The following PCDHGA6 variants were observed in gnomAD, a reference collection of about 807,000 sequenced individuals.
PCDHGA6 encodes protocadherin gamma subfamily A, 6.
A neutral mutation model predicts 60.6 loss-of-function variants in PCDHGA6; 41 were observed. The ratio of observed to expected loss-of-function variants is 0.68; its 90% CI spans 0.53 to 0.88. The LOEUF is 0.88. Ranked by LOEUF, PCDHGA6 falls within the 40% of genes least tolerant of loss-of-function variation. The pLI is 0.00. For synonymous variants in PCDHGA6, 594 were observed against 524.4 expected (o/e 1.13, Z -1.81); for missense variants, 1,312 against 1,203.0 (o/e 1.09, Z -1.34).
intron 1 of PCDHGA6, chr5:141,393,313 T>G: frequency 1.2e-6 from 2 of 1,613,324 alleles, no homozygotes; most frequent in Non-Finnish European, 1.7e-6. Flanking sequence ...GTGAACTCCC[T>G]CCAGAGCTAC....
intron 1 of PCDHGA6, chr5:141,408,782 T>A: frequency 6.2e-7 from 1 of 1,612,108 alleles, no homozygotes. Context: ...ATACCCAGAG[T>A]TATCTCTGGA....
chr5:141,468,067 G>A (rs560511893), intron 1 of PCDHGA6, among the ~76,000 whole-genome samples: 34 of 152,032 alleles, frequency 2.2e-4, no homozygotes, highest in Non-Finnish European at 4.0e-4. Flanking sequence ...GCTCACACCT[G>A]TAATCCCAGC....
rs772807357 is a variant in PCDHGA6, at chr5:141,431,758, C to G, written c.2424+55251C>G. On this transcript the variant is annotated intron_variant, in intron 1 of 3. Transcript: ENST00000517434. This position sits in a 1 kb window ranked among gnomAD's most constrained non-coding sequence, Gnocchi z 4.8. ...CAGGATATTCTGCGCGAGCCAAAGTCCTGATCACTGTTCTGGACGTGAACG... is the reference window on the plus strand; with the variant it reads ...CAGGATATTCTGCGCGAGCCAAAGTGCTGATCACTGTTCTGGACGTGAACG... 2.0e-5 allele frequency: 32 copies of G among 1,614,054 alleles called. No individual in the cohort carries two copies. The highest frequency in any genetic ancestry group is 2.6e-5 in the Non-Finnish European group (31 of 1,180,028).
chr5:141,395,157 C>G, intron 1 of PCDHGA6: 2 of 1,614,174 alleles, frequency 1.2e-6, no homozygotes, highest in Non-Finnish European at 1.7e-6. Context: ...GCTCATCAGT[C>G]AGGAGGGCTG....
rs111388524 is a variant in PCDHGA6, at chr5:141,376,009, A to C, written c.1926A>C (p.Leu642=). The change falls in exon 1 of 4, where the codon CTA becomes CTC. Residue 642 remains leucine, a synonymous_variant. Transcript: ENST00000517434. ...LLDRDALKQS[L]VVAVQDHGQP... is the part of the protein sequence containing the mutation. ...ACAGAGACGCGCTCAAGCAGAGCCTAGTGGTGGCCGTCCAGGACCACGGCC... is the reference window on the plus strand; with the variant it reads ...ACAGAGACGCGCTCAAGCAGAGCCTCGTGGTGGCCGTCCAGGACCACGGCC... 13,464 of 1,612,162 alleles carry C rather than the reference A, an allele frequency of 8.4e-3. 162 individuals carry two copies. The highest frequency in any genetic ancestry group is 0.039 in the African/African-American group (2,956 of 74,982).
At chr5:141,456,837 C>G (rs550771859) in intron 1 of PCDHGA6, among the ~76,000 whole-genome samples, 70 of 152,194 alleles carry the variant, frequency 4.6e-4, no homozygotes, top group Non-Finnish European at 8.2e-4. Context: ...GTAGTGGGCG[C>G]CTGTAATCCC....
chr5:141,477,052 C>T lies in PCDHGA6; in HGVS notation c.2425-17755C>T. On this transcript the variant is annotated intron_variant, in intron 1 of 3. Coordinates refer to ENST00000517434, the MANE Select transcript of PCDHGA6 (RefSeq NM_018919.3). The surrounding 1 kb of genome is among the most constrained non-coding windows in gnomAD (Gnocchi z 4.9). ...TGACAATCAAGGGTCGGCTGGACTT[C>T]GAGGACACCAAACTCCATGAGATTT... 1.2e-6 allele frequency: 2 copies of T among 1,614,240 alleles called. No individual in the cohort carries two copies. The highest frequency in any genetic ancestry group is 1.7e-6 in the Non-Finnish European group (2 of 1,180,032).
intron 1 of PCDHGA6, chr5:141,394,385 G>C: frequency 6.2e-7 from 1 of 1,614,206 alleles, no homozygotes. Context: ...ACTATGAGCA[G>C]ATCCGAGACC....
chr5:141,403,377 T>A, intron 1 of PCDHGA6: 1 of 1,614,016 alleles, frequency 6.2e-7, no homozygotes. Flanking sequence ...GAAGTAAAAA[T>A]TAACGAAATC....
intron 1 of PCDHGA6, among the ~76,000 whole-genome samples, chr5:141,480,895 A>G (rs1275670492): frequency 6.6e-6 from 1 of 152,048 alleles, no homozygotes; most frequent in African/African-American, 2.4e-5. Flanking sequence ...AAATGCAAAC[A>G]TTAGCTGGGC....
At chr5:141,478,497 C>T in intron 1 of PCDHGA6, 1 of 1,612,820 alleles carries the variant, frequency 6.2e-7, no homozygotes, top group Non-Finnish European at 8.5e-7. Context: ...AGCTGTGATC[C>T]GGTGTTCTAT....
At chr5:141,420,046 A>G (rs772981030) in intron 1 of PCDHGA6, 6 of 1,614,048 alleles carry the variant, frequency 3.7e-6, no homozygotes, top group South Asian at 1.1e-5. Context: ...GCTTTGAGTC[A>G]GTTCTCTGCT....
At chr5:141,445,070 A>G (rs185808898) in intron 1 of PCDHGA6, among the ~76,000 whole-genome samples, 30 of 152,306 alleles carry the variant, frequency 2.0e-4, no homozygotes, top group African/African-American at 7.2e-4. Context: ...TATATTTCTC[A>G]TTAAATTGTC....
chr5:141,413,900 AC>A, intron 1 of PCDHGA6: 1 of 1,613,126 alleles, frequency 6.2e-7, no homozygotes. Flanking sequence ...GCAAATGACA[AC>A]GCGCCGGTCT....
rs1167955962 is a variant in PCDHGA6, at chr5:141,477,078, A to G, written c.2425-17729A>G. ...GAGGACACCAAACTCCATGAGATTT[A>G]CATCCAGGCCAAAGACAAGGGCGCC... On this transcript the variant is annotated intron_variant, in intron 1 of 3. Transcript: ENST00000517434. This position sits in a 1 kb window ranked among gnomAD's most constrained non-coding sequence, Gnocchi z 4.9. The G allele has an allele frequency of 6.8e-6, 11 of 1,614,262 alleles. No individual in the cohort carries two copies. In the South Asian group the frequency reaches 1.2e-4, roughly 18 times the overall value.
intron 1 of PCDHGA6, among the ~76,000 whole-genome samples, chr5:141,452,745 G>A (rs1246578948): frequency 6.6e-6 from 1 of 152,054 alleles, no homozygotes; most frequent in African/African-American, 2.4e-5. Flanking sequence ...AGAGAGAGAA[G>A]GAAGAAGGAA....
intron 1 of PCDHGA6, chr5:141,478,544 C>G (rs1371505487): frequency 6.2e-7 from 1 of 1,605,660 alleles, no homozygotes; most frequent in Admixed American, 1.7e-5. Flanking sequence ...CCCTCCCGGA[C>G]AGGTAAGGTT....
In PCDHGA6 at chr5:141,491,841, A is replaced by T. The variant is rs995010359; in HGVS notation, c.2425-2966A>T. The T allele has an allele frequency of 1.4e-6, 2 of 1,465,172 alleles. No homozygotes were observed. The highest frequency in any genetic ancestry group is 1.4e-5 in the African/African-American group (1 of 69,948). 90.8% of individuals were successfully genotyped at this position (1,465,172 alleles called of 1,614,324 possible). ...TGCGCTCCACCCGATTCTCGGGATC[A>T]TTGGACCGTTTGCGCGAAACCAGAG... is the stretch of plus-strand genomic sequence containing the variant. On this transcript the variant is annotated intron_variant, in intron 1 of 3. Transcript: ENST00000517434. The surrounding 1 kb of genome is among the most constrained non-coding windows in gnomAD (Gnocchi z 6.9).
intron 1 of PCDHGA6, chr5:141,418,639 C>T (rs2096276711): frequency 6.2e-7 from 1 of 1,614,014 alleles, no homozygotes; most frequent in Non-Finnish European, 8.5e-7. Flanking sequence ...CAGGCACCTC[C>T]ATCCTGAGAG....
Sources: allele counts gnomAD v4.1 joint callset (sites outside exome capture counted in the v4.1 genomes callset), GRCh38; gene constraint gnomAD v4.1.1; non-coding constraint Gnocchi (gnomAD v3.1); transcripts MANE v1.5; gene names NCBI Gene and HGNC (gene_info 2026-07-23, HGNC 2026-07-21).